MET: variants seen among roughly 807,000 people sequenced by gnomAD.
MET encodes hepatocyte growth factor receptor.
MET carries 48 observed loss-of-function variants against 133.1 expected under a neutral mutation model. The observed-to-expected ratio is 0.36, with a 90% CI of 0.29 to 0.46. MET has a LOEUF of 0.46. MET is among the 20% of genes least tolerant of loss of function. The pLI is 1.00. For missense variants in MET, 1,442 were observed against 1,695.9 expected, an observed-to-expected ratio of 0.85 and a Z score of 2.63; for synonymous variants, 628 against 616.5, an observed-to-expected ratio of 1.02 and a Z score of -0.28.
chr7:116,757,876 T>C, intron 8 of MET, 102 bp downstream of exon 8: 2 of 1,327,366 alleles, frequency 1.5e-6, no homozygotes, highest in Non-Finnish European at 2.1e-6. Flanking sequence ...AGAAGAAAAA[T>C]CAAGATGTTT....
Position 116,776,896 on chromosome 7 carries a change from A to G in MET, c.3260-493A>G, listed in dbSNP as rs73716770. On this transcript the variant is annotated intron_variant, in intron 15 of 20. Transcript: ENST00000397752. The stretch of plus-strand genomic sequence containing the variant: ...GTATTAACCAGTGACTAATGGGGAA[A>G]TCCTTATTCTATAATACTAATCCTA... Among the ~76,000 whole-genome samples the G allele has an allele frequency of 8.2e-3, 1,245 of 152,336 alleles. 22 individuals are homozygous for G. Among genetic ancestry groups the G allele is most frequent in the African/African-American group, 0.029 (1,186 of 41,584 alleles).
intron 15 of MET, among the ~76,000 whole-genome samples, chr7:116,775,470 G>A (rs935608683): frequency 3.9e-5 from 6 of 152,122 alleles, no homozygotes; most frequent in Non-Finnish European, 7.4e-5. Context: ...TTGGGAGGCC[G>A]AGGCAGGTGG....
In MET at chr7:116,755,558, A is replaced by G. The variant is rs369713005; in HGVS notation, c.1862+43A>G. Reference sequence around the variant, plus strand: ...CTTTGCTGGGGTGTGCTTGGAAAATAGGTTTTGTTTTTGAATGAATATTTC... The same window carrying G: ...CTTTGCTGGGGTGTGCTTGGAAAATGGGTTTTGTTTTTGAATGAATATTTC... On this transcript the variant is annotated intron_variant, in intron 6 of 20. Transcript: ENST00000397752. 1.9e-6 allele frequency: 3 copies of G among 1,612,162 alleles called. No individual in the cohort carries two copies. The South Asian group carries it at 3.3e-5, about 18-fold the overall frequency.
At position 116,774,949 on chromosome 7, in the gene MET, C is replaced by A. The variant is rs1294910019; in HGVS notation, c.3097C>A (p.Pro1033Thr). The A allele has an allele frequency of 6.2e-7, 1 of 1,614,132 alleles. No homozygotes were observed. The highest frequency in any genetic ancestry group is 8.5e-7 in the Non-Finnish European group (1 of 1,180,010). ...GCAGTATCCTCTGACAGACATGTCC[C>A]CCATCCTAACTAGTGGGGACTCTGA... is the stretch of plus-strand genomic sequence containing the variant. ...QVQYPLTDMS[P>T]ILTSGDSDIS... is the part of the protein sequence containing the mutation. The change falls in exon 15 of 21, where the codon CCC (proline) becomes ACC (threonine). Residue 1033 changes from proline (P) to threonine (T), a missense_variant. By Grantham distance (38) the Pro-to-Thr change is conservative. Around this residue, in one of 6 missense-constraint regions of MET, gnomAD observed 514 missense variants for 659.6 expected, o/e 0.78. Coordinates refer to ENST00000397752, the MANE Select transcript of MET (RefSeq NM_000245.4).
intron 3 of MET, 22 bp from the exon 4 acceptor site, chr7:116,739,928 T>C (rs1417667928): frequency 6.2e-7 from 1 of 1,613,902 alleles, no homozygotes; most frequent in African/African-American, 1.3e-5. Flanking sequence ...AATAAGGATG[T>C]TATAACTTTT....
chr7:116,760,521 G>A (rs1204449001), intron 10 of MET, among the ~76,000 whole-genome samples: 1 of 152,074 alleles, frequency 6.6e-6, no homozygotes, highest in East Asian at 1.9e-4. Flanking sequence ...TAGGACTTGA[G>A]CACTCAACTC....
At chr7:116,736,034 TC>T (rs1793199148) in intron 3 of MET, among the ~76,000 whole-genome samples, 1 of 152,096 alleles carries the variant, frequency 6.6e-6, no homozygotes, top group Non-Finnish European at 1.5e-5. Flanking sequence ...CGCCTTGGCC[TC>T]CCAAAGTGCT....
chr7:116,705,286 G>A (rs1299259688), intron 2 of MET, among the ~76,000 whole-genome samples: 3 of 151,912 alleles, frequency 2.0e-5, no homozygotes, highest in Admixed American at 6.6e-5. Context: ...GGCATGTCTC[G>A]TAATATTTAA....
chr7:116,780,614 CT>C (rs1445936618), intron 17 of MET, among the ~76,000 whole-genome samples: 2 of 152,114 alleles, frequency 1.3e-5, no homozygotes, highest in Non-Finnish European at 2.9e-5. Flanking sequence ...GTGCCATGGC[CT>C]TTTTTAATCC....
At position 116,731,653 on chromosome 7, in the gene MET, C is replaced by T. The variant is rs1392417542; in HGVS notation, c.1201-15C>T. On this transcript the variant is annotated splice_polypyrimidine_tract_variant and intron_variant, in intron 2 of 20. Coordinates refer to ENST00000397752, the MANE Select transcript of MET (RefSeq NM_000245.4). Reference sequence around the variant, plus strand: ...TCTGGATTCACATTAACTCTATGACCATATTTTATTCCAGACACTTCTGAG... The same window carrying T: ...TCTGGATTCACATTAACTCTATGACTATATTTTATTCCAGACACTTCTGAG... 25 of 1,613,328 alleles carry T rather than the reference C, an allele frequency of 1.5e-5. No individual in the cohort carries two copies. The highest frequency in any genetic ancestry group is 2.0e-5 in the Non-Finnish European group (24 of 1,179,470).
intron 1 of MET, among the ~76,000 whole-genome samples, chr7:116,689,148 T>C (rs976726671): frequency 2.6e-5 from 4 of 152,174 alleles, no homozygotes; most frequent in African/African-American, 7.2e-5. Context: ...AGTACAACTA[T>C]AGAGGGGAAA....
At chr7:116,750,252 G>C (rs747729860) in intron 5 of MET, among the ~76,000 whole-genome samples, 22 of 152,132 alleles carry the variant, frequency 1.4e-4, no homozygotes, top group South Asian at 4.1e-4. Context: ...CAATGGAACA[G>C]AACAGAGGCC....
At chr7:116,780,017 G>A (rs1795108242) in intron 17 of MET, among the ~76,000 whole-genome samples, 1 of 152,208 alleles carries the variant, frequency 6.6e-6, no homozygotes, top group East Asian at 1.9e-4. Flanking sequence ...GCTCATGAGG[G>A]TAGGATTTTT....
At chr7:116,726,486 G>A (rs1792790637) in intron 2 of MET, among the ~76,000 whole-genome samples, 1 of 151,692 alleles carries the variant, frequency 6.6e-6, no homozygotes, top group South Asian at 2.1e-4. Context: ...CCCTTTCCCA[G>A]CCAATAAAGC....
intron 15 of MET, among the ~76,000 whole-genome samples, 176 bp downstream of exon 15, chr7:116,775,287 A>G (rs1794959900): frequency 6.6e-6 from 1 of 152,204 alleles, no homozygotes; most frequent in East Asian, 1.9e-4. Flanking sequence ...ATCCGTGGGG[A>G]TTTGCCCTTG....
intron 11 of MET, among the ~76,000 whole-genome samples, chr7:116,764,547 TATG>T (rs1794543694): frequency 6.6e-6 from 1 of 152,144 alleles, no homozygotes; most frequent in Admixed American, 6.5e-5. Flanking sequence ...TTCCTGTATC[TATG>T]ATGAAGGGAT....
chr7:116,736,929 C>A (rs1296592140), intron 3 of MET, among the ~76,000 whole-genome samples: 1 of 152,170 alleles, frequency 6.6e-6, no homozygotes, highest in Admixed American at 6.5e-5. Context: ...CCAAAAGGAA[C>A]TCCTAATTTC....
rs2116931656 is a variant in MET at position 116,758,550 on chromosome 7, G to A, written c.2194G>A (p.Glu732Lys). 1 of 1,613,830 alleles carries A rather than the reference G, an allele frequency of 6.2e-7. No homozygotes were observed. The highest frequency in any genetic ancestry group is 8.5e-7 in the Non-Finnish European group (1 of 1,179,892). The change falls in exon 9 of 21, where the codon GAG becomes AAG. Residue 732 changes from glutamate (E) to lysine (K), a missense_variant. Physicochemically the swap from Glu to Lys is moderately conservative, Grantham distance 56. This residue lies in a region of MET where 514 missense variants were observed against 659.6 expected (regional missense o/e 0.78). Coordinates refer to ENST00000397752, the MANE Select transcript of MET (RefSeq NM_000245.4). ...ATTGAAAATTGACTTAGCCAACCGA[G>A]AGACAAGCATCTTCAGTTACCGTGA... ...VKLKIDLANRETSIFSYREDP... is the reference protein window; with the variant it reads ...VKLKIDLANRKTSIFSYREDP...
chr7:116,777,259 A>G (rs1033093988), intron 15 of MET, 130 bp from the exon 16 acceptor site: 3 of 803,770 alleles, frequency 3.7e-6, no homozygotes, highest in South Asian at 3.0e-5. Context: ...TGTTAAAAGT[A>G]TTTTTTAAAT....
Sources: allele counts gnomAD v4.1 joint callset (sites outside exome capture counted in the v4.1 genomes callset), GRCh38; gene constraint gnomAD v4.1.1; regional missense constraint gnomAD v4.1.1; transcripts MANE v1.5; gene names NCBI Gene and HGNC (gene_info 2026-07-23, HGNC 2026-07-21).